Variants in GTF2I observed in about 807,000 individuals in gnomAD.
The protein encoded by GTF2I is general transcription factor II-I.
Under a neutral mutation model 67.6 loss-of-function variants are expected in GTF2I, and 12 were observed. That is an observed-to-expected ratio of 0.18 (90% CI 0.11 to 0.29). The LOEUF (loss-of-function observed/expected upper bound fraction) is 0.29, where lower values mean the gene tolerates loss of function less well. Ranked by LOEUF, GTF2I falls within the 10% of genes least tolerant of loss-of-function variation. The pLI is 1.00. For synonymous variants in GTF2I, 149 were observed against 197.0 expected, an observed-to-expected ratio of 0.76 and a Z score of 2.04; for missense variants, 271 against 580.1, an observed-to-expected ratio of 0.47 and a Z score of 5.47.
chr7:74,698,206 C>T (rs1277673932), intron 3 of GTF2I, among the ~76,000 whole-genome samples: 10 of 152,140 alleles, frequency 6.6e-5, no homozygotes, highest in East Asian at 3.9e-4. Context: ...CCACCCGCCT[C>T]GGCCTCCCAA....
At chr7:74,724,286 A>T (rs1043097718) in intron 12 of GTF2I, among the ~76,000 whole-genome samples, 1 of 152,190 alleles carries the variant, frequency 6.6e-6, no homozygotes, top group Non-Finnish European at 1.5e-5. Flanking sequence ...TGAAATAGAT[A>T]TATTACCTGG....
At chr7:74,666,518 C>T (rs1298162957) in intron 1 of GTF2I, among the ~76,000 whole-genome samples, 4 of 56,752 alleles carry the variant, frequency 7.0e-5, no homozygotes, top group East Asian at 1.4e-3. Flanking sequence ...TTTCTTTCTT[C>T]GTTTTCCCCC....
intron 1 of GTF2I, among the ~76,000 whole-genome samples, chr7:74,677,003 G>A (rs1456833981): frequency 6.6e-6 from 1 of 152,038 alleles, no homozygotes; most frequent in African/African-American, 2.4e-5. Flanking sequence ...AGGTTGCAGT[G>A]AGCCGAGATT....
chr7:74,668,121 C>T (rs587721225), intron 1 of GTF2I, among the ~76,000 whole-genome samples: 62 of 151,212 alleles, frequency 4.1e-4, no homozygotes, highest in Middle Eastern at 3.4e-3. Flanking sequence ...CGTGAGCCAC[C>T]GCGCCCAGTC....
chr7:74,687,470 G>A (rs917139977), intron 1 of GTF2I: 4 of 575,364 alleles, frequency 7.0e-6, no homozygotes, highest in Non-Finnish European at 6.6e-6. Flanking sequence ...AGATCCACCC[G>A]CCTCGGCCTT....
Position 74,723,428 on chromosome 7 carries a change from C to CTTTTTTTTTTTTTTTTTTTTT in GTF2I, c.943+4507_943+4508insTTTTTTTTTTTTTTTTTTTTT, listed in dbSNP as rs58149301. 1.3e-4 allele frequency among the ~76,000 whole-genome samples: 8 copies of CTTTTTTTTTTTTTTTTTTTTT among 61,088 alleles called. 1 individual carries two copies. The highest frequency in any genetic ancestry group is 6.6e-4 in the African/African-American group (8 of 12,110). The allele number at this position is 61,088 out of a possible 152,430, so 40.1% of individuals were successfully genotyped here. ...AGGCATAAGCCACCGCTCCCGGCCTCTTTTTTTTTTTTTTTTTTTTAAGAC... is the reference window on the plus strand; with the variant it reads ...AGGCATAAGCCACCGCTCCCGGCCTCTTTTTTTTTTTTTTTTTTTTTTTTTTTTTTTTTTTTTTTTTAAGAC... On this transcript the variant is annotated intron_variant, in intron 12 of 34. Transcript: ENST00000573035.
At chr7:74,725,153 AATTTTGATCCTTTGTGGAAAGG>A (rs1554405407) in intron 12 of GTF2I, among the ~76,000 whole-genome samples, 3 of 152,124 alleles carry the variant, frequency 2.0e-5, no homozygotes, top group Non-Finnish European at 4.4e-5. Flanking sequence ...AGTAAAAAGT[AATTTTGATCCTTTGTGGAAAGG>A]ATTTTAGGTC....
chr7:74,674,955 C>T (rs191391673), intron 1 of GTF2I, among the ~76,000 whole-genome samples: 75 of 152,140 alleles, frequency 4.9e-4, no homozygotes, highest in African/African-American at 1.0e-3. Context: ...CTGGTTCAAG[C>T]GATTCTCCTG....
At chr7:74,679,563 C>G (rs782092692) in intron 1 of GTF2I, among the ~76,000 whole-genome samples, 2 of 152,146 alleles carry the variant, frequency 1.3e-5, no homozygotes, top group Non-Finnish European at 2.9e-5. Flanking sequence ...ATTATAGTTG[C>G]AATCACTGTC....
At chr7:74,701,100 G>T (rs1282295766) in intron 6 of GTF2I, among the ~76,000 whole-genome samples, 1 of 152,166 alleles carries the variant, frequency 6.6e-6, no homozygotes, top group Non-Finnish European at 1.5e-5. Context: ...GGATGTTATT[G>T]GAGGTTGGAT....
chr7:74,663,526 A>G (rs1554387420), intron 1 of GTF2I, among the ~76,000 whole-genome samples: 2 of 152,026 alleles, frequency 1.3e-5, no homozygotes. Context: ...CCTGACCTCA[A>G]GTGATCCACC....
chr7:74,657,741 G>A lies in GTF2I; in HGVS notation c.-333G>A, dbSNP rs1213990963. 1 of 147,084 alleles carries A rather than the reference G, an allele frequency of 6.8e-6. No individual in the cohort carries two copies. The highest frequency in any genetic ancestry group is 1.5e-5 in the Non-Finnish European group (1 of 67,080). The allele number at this position is 147,084 out of a possible 1,614,324, so 9.1% of individuals were successfully genotyped here. Reference sequence around the variant, plus strand: ...GTGAGAGAGAAGCTGGGAGAGCAGAGAAAAGGGGCCACCGGTCGCCCCCCC... The same window carrying A: ...GTGAGAGAGAAGCTGGGAGAGCAGAAAAAAGGGGCCACCGGTCGCCCCCCC... On this transcript the variant is annotated 5_prime_UTR_variant, in exon 1 of 35. Coordinates refer to ENST00000573035, the MANE Select transcript of GTF2I (RefSeq NM_032999.4).
chr7:74,677,277 A>G, intron 1 of GTF2I, among the ~76,000 whole-genome samples: 1 of 152,318 alleles, frequency 6.6e-6, no homozygotes, highest in East Asian at 1.9e-4. Context: ...AGGACAAAAT[A>G]TCTAACATTT....
At chr7:74,669,224 G>GTTTTTTTTTTTTTTTTTTTTTTTTT (rs34714148) in intron 1 of GTF2I, among the ~76,000 whole-genome samples, 3 of 75,452 alleles carry the variant, frequency 4.0e-5, no homozygotes, top group Non-Finnish European at 7.0e-5. Flanking sequence ...GACTAGTTTA[G>GTTTTTTTTTTTTTTTTTTTTTTTTT]TTTTTTTTTT....
chr7:74,687,621 G>T (rs1443614284), intron 1 of GTF2I: 1 of 800,708 alleles, frequency 1.2e-6, no homozygotes. Context: ...CATGGTAACA[G>T]ATAAAGCTAG....
intron 9 of GTF2I, among the ~76,000 whole-genome samples, chr7:74,712,495 T>A (rs1554402795): frequency 1.5e-5 from 1 of 65,744 alleles, no homozygotes; most frequent in African/African-American, 1.3e-4. Context: ...GGAGTGTGTG[T>A]GTGTGTGTGT....
chr7:74,717,331 C>T (rs1792384746), intron 11 of GTF2I, among the ~76,000 whole-genome samples: 1 of 6,226 alleles, frequency 1.6e-4, no homozygotes, highest in Non-Finnish European at 2.5e-4. Context: ...TTTAATACTT[C>T]TAGTCTCTTA....
intron 1 of GTF2I, among the ~76,000 whole-genome samples, chr7:74,677,551 C>T (rs1398990264): frequency 1.3e-5 from 2 of 151,584 alleles, no homozygotes; most frequent in Non-Finnish European, 2.9e-5. Context: ...GAGGCTGAGG[C>T]GGGCAGATCA....
chr7:74,692,240 A>AT (rs1203584635), intron 3 of GTF2I, among the ~76,000 whole-genome samples: 1 of 151,076 alleles, frequency 6.6e-6, no homozygotes, highest in African/African-American at 2.4e-5. Context: ...TACCTAGATA[A>AT]TTTTTTGTAT....
Sources: gnomAD v4.1 joint callset for allele counts (sites outside exome capture counted in the v4.1 genomes callset) on GRCh38, gnomAD v4.1.1 for gene constraint, MANE v1.5 for transcripts, NCBI Gene and HGNC (gene_info 2026-07-23, HGNC 2026-07-21) for gene names.